Variants in BRWD1 observed in about 807,000 individuals in gnomAD.
BRWD1 encodes the protein bromodomain and WD repeat-containing protein 1.
BRWD1 carries 82 observed loss-of-function variants against 251.2 expected under a neutral mutation model. The observed-to-expected ratio is 0.33, with a 90% CI of 0.27 to 0.39. The LOEUF is 0.39. BRWD1 is among the 10% of genes least tolerant of loss of function. The pLI is 1.00. For synonymous variants in BRWD1, 918 were observed against 902.8 expected (o/e 1.02, Z -0.30); for missense variants, 2,233 against 2,711.6 (o/e 0.82, Z 3.92).
chr21:39,203,288 C>CA, intron 37 of BRWD1, among the ~76,000 whole-genome samples: 1 of 152,042 alleles, frequency 6.6e-6, no homozygotes, highest in South Asian at 2.1e-4. Flanking sequence ...CCCATGCCTA[C>CA]AAAAAATTTA....
chr21:39,283,234 C>T (rs2035529408), intron 8 of BRWD1, among the ~76,000 whole-genome samples: 1 of 152,116 alleles, frequency 6.6e-6, no homozygotes, highest in African/African-American at 2.4e-5. Context: ...TTGGCTGGCA[C>T]AGTTCCATAA....
intron 5 of BRWD1, chr21:39,297,708 G>T: frequency 3.4e-6 from 1 of 295,450 alleles, no homozygotes; most frequent in Non-Finnish European, 5.0e-6. Context: ...TATACTGGTG[G>T]TGCAGCTAAG....
At chr21:39,239,008 ATCT>A (rs1430469615) in intron 21 of BRWD1, among the ~76,000 whole-genome samples, 1 of 151,980 alleles carries the variant, frequency 6.6e-6, no homozygotes, top group Non-Finnish European at 1.5e-5. Flanking sequence ...TGTCTGTTAG[ATCT>A]TCTGCCCATT....
chr21:39,266,026 T>C (rs921500803), intron 15 of BRWD1, among the ~76,000 whole-genome samples: 2 of 152,032 alleles, frequency 1.3e-5, no homozygotes, highest in African/African-American at 4.8e-5. Context: ...CTATGCATAT[T>C]TGTTGTCTGC....
chr21:39,301,176 CAAA>C (rs35360577), intron 4 of BRWD1, among the ~76,000 whole-genome samples: 5 of 65,370 alleles, frequency 7.6e-5, no homozygotes, highest in Non-Finnish European at 9.8e-5. Flanking sequence ...AAGGCTCCCA[CAAA>C]AAAAAAAAAA....
At chr21:39,215,459 A>C (rs1012678207) in intron 31 of BRWD1, 97 bp from the exon 32 acceptor site, 7 of 1,084,966 alleles carry the variant, frequency 6.5e-6, no homozygotes, top group Admixed American at 2.2e-5. Flanking sequence ...GTGAAATAAT[A>C]ATTAAACCAT....
intron 38 of BRWD1, among the ~76,000 whole-genome samples, chr21:39,201,212 TGATACCAAAATACTAG>T (rs1159849897): frequency 2.0e-5 from 3 of 152,144 alleles, no homozygotes; most frequent in Non-Finnish European, 4.4e-5. Context: ...AAACTGGCTG[TGATACCAAAATACTAG>T]ACACCAAATT....
chr21:39,285,003 T>C (rs1398829223), intron 8 of BRWD1, among the ~76,000 whole-genome samples: 2 of 152,194 alleles, frequency 1.3e-5, no homozygotes, highest in South Asian at 2.1e-4. Flanking sequence ...AATCAGTATA[T>C]TGAAGAGATA....
In BRWD1 at chr21:39,192,807, TACAA is replaced by T. The variant is rs1396595996; in HGVS notation, c.*3448_*3451del. 1.0e-6 allele frequency: 1 copy of T among 985,088 alleles called. No individual in the cohort carries two copies. Among genetic ancestry groups the T allele is most frequent in the Non-Finnish European group, 1.2e-6 (1 of 829,782 alleles). 61.0% of individuals were successfully genotyped at this position (985,088 alleles called of 1,614,324 possible). A position where few individuals can be genotyped will look rare whatever the true frequency, so the allele number is the denominator to read the frequency against. On this transcript the variant is annotated 3_prime_UTR_variant, in exon 41 of 41. Transcript: ENST00000342449. ...ACAATGTTCTTGCATTCTACTGATATACAAACCTCTGGGGTTTCAGTTGGCACAA... is the reference window on the plus strand; with the variant it reads ...ACAATGTTCTTGCATTCTACTGATATACCTCTGGGGTTTCAGTTGGCACAA...
chr21:39,235,597 C>T (rs373067207), intron 23 of BRWD1: 5 of 220,366 alleles, frequency 2.3e-5, no homozygotes, highest in Admixed American at 4.2e-5. Context: ...TATATGATAT[C>T]GGCTCCAAGT....
intron 13 of BRWD1, among the ~76,000 whole-genome samples, chr21:39,272,025 A>AAG (rs56247565): frequency 6.6e-6 from 1 of 150,646 alleles, no homozygotes; most frequent in Non-Finnish European, 1.5e-5. Context: ...AAAAAAAAAA[A>AAG]GAATATAGAA....
intron 13 of BRWD1, among the ~76,000 whole-genome samples, chr21:39,271,652 GCACCAC>G: frequency 8.2e-6 from 1 of 121,368 alleles, no homozygotes; most frequent in Middle Eastern, 8.5e-3. Context: ...AGCCAAGATC[GCACCAC>G]TGCACTCCAG....
At chr21:39,231,340 T>C (rs2033608757) in intron 25 of BRWD1, among the ~76,000 whole-genome samples, 1 of 152,134 alleles carries the variant, frequency 6.6e-6, no homozygotes, top group Non-Finnish European at 1.5e-5. Context: ...CTATTAGTAA[T>C]ACACTGTGAA....
rs2031495254 is a variant in BRWD1 at position 39,190,468 on chromosome 21, TTGGTTGCTG to T, written c.*5782_*5790del. The T allele has an allele frequency of 1.0e-6, 1 of 985,246 alleles. No homozygotes were observed. Among genetic ancestry groups the T allele is most frequent in the African/African-American group, 1.7e-5 (1 of 57,228 alleles). The allele number at this position is 985,246 out of a possible 1,614,324, so 61.0% of individuals were successfully genotyped here. On this transcript the variant is annotated 3_prime_UTR_variant, in exon 41 of 41. Coordinates refer to ENST00000342449, the MANE Select transcript of BRWD1 (RefSeq NM_033656.4). ...ATAAACTCCTAGAATCTTGACATTA[TTGGTTGCTG>T]TGGTTGGTGGATAAATCAAATCCAC...
chr21:39,292,132 T>TGGGG lies in BRWD1; in HGVS notation c.831+1675_831+1678dup, dbSNP rs1182694435. ...ATTTTTTGTGGGGGGTGGGTGGGGG[T>TGGGG]GGGGGGGGGGGTCTCACTAAGTTGC... On this transcript the variant is annotated intron_variant, in intron 8 of 40. Coordinates refer to ENST00000342449, the MANE Select transcript of BRWD1 (RefSeq NM_033656.4). Among the ~76,000 whole-genome samples the TGGGG allele has an allele frequency of 9.9e-3, 123 of 12,368 alleles. 12 individuals are homozygous for TGGGG. The highest frequency in any genetic ancestry group is 0.045 in the Middle Eastern group (1 of 22). The allele number at this position is 12,368 out of a possible 152,430, so 8.1% of individuals were successfully genotyped here. A position where few individuals can be genotyped will look rare whatever the true frequency, so the allele number is the denominator to read the frequency against.
chr21:39,247,889 ACAAAATGGGCATTCCGTCAAGTTTC>A, intron 20 of BRWD1, 57 bp from the exon 21 acceptor site: 2 of 1,466,972 alleles, frequency 1.4e-6, no homozygotes, highest in Non-Finnish European at 1.8e-6. Context: ...GACAATATCA[ACAAAATGGGCATTCCGTCAAGTTTC>A]CAGAAGGATT....
chr21:39,238,585 A>AG lies in BRWD1; in HGVS notation c.2482-13dup, dbSNP rs149041539. 4,681 of 1,596,024 alleles carry AG rather than the reference A, an allele frequency of 2.9e-3. 110 individuals are homozygous for AG. The African/African-American group carries it at 0.053, about 18-fold the overall frequency. On this transcript the variant is annotated splice_polypyrimidine_tract_variant and intron_variant, in intron 21 of 40. Coordinates refer to ENST00000342449, the MANE Select transcript of BRWD1 (RefSeq NM_033656.4). Reference sequence around the variant, plus strand: ...TCACAGGAAGTCTCCTAATTTGTGAAGGGGGGAAAAAAATCTTGATCCCTG... The same window carrying AG: ...TCACAGGAAGTCTCCTAATTTGTGAAGGGGGGGAAAAAAATCTTGATCCCTG...
intron 8 of BRWD1, 54 bp downstream of exon 8, chr21:39,293,757 A>T: frequency 1.4e-6 from 2 of 1,413,558 alleles, no homozygotes; most frequent in Non-Finnish European, 2.0e-6. Flanking sequence ...AAACTGTTTT[A>T]AAGAAAAAGG....
Position 39,192,123 on chromosome 21 carries a change from G to C in BRWD1, c.*4136C>G. ...TTAACAATATATTAGGAACCAGCTT[G>C]GCAGATTATGAAAAAGGTAAAAATC... On this transcript the variant is annotated 3_prime_UTR_variant, in exon 41 of 41. Coordinates refer to ENST00000342449, the MANE Select transcript of BRWD1 (RefSeq NM_033656.4). 1.0e-6 allele frequency: 1 copy of C among 984,938 alleles called. No individual in the cohort carries two copies. The highest frequency in any genetic ancestry group is 1.2e-6 in the Non-Finnish European group (1 of 829,570). 61.0% of individuals were successfully genotyped at this position (984,938 alleles called of 1,614,324 possible). A position where few individuals can be genotyped will look rare whatever the true frequency, so the allele number is the denominator to read the frequency against.
Sources: allele counts gnomAD v4.1 joint callset (sites outside exome capture counted in the v4.1 genomes callset), GRCh38; gene constraint gnomAD v4.1.1; transcripts MANE v1.5; gene names NCBI Gene and HGNC (gene_info 2026-07-23, HGNC 2026-07-21).